ADAMTS20: variants seen among roughly 807,000 people sequenced by gnomAD.
ADAMTS20 encodes A disintegrin and metalloproteinase with thrombospondin motifs 20.
Under a neutral mutation model 260.1 loss-of-function variants are expected in ADAMTS20, and 225 were observed. The observed-to-expected ratio is 0.87, with a 90% CI of 0.78 to 0.97. The LOEUF (loss-of-function observed/expected upper bound fraction) is 0.97. Among genes scored for constraint, ADAMTS20 ranks in the 50% least tolerant of loss-of-function variants. The probability of loss-of-function intolerance (pLI) is 0.00; values close to 1 mark genes in which losing one functional copy is unlikely to be tolerated. For missense variants in ADAMTS20, 2,400 were observed against 2,337.7 expected (o/e 1.03, Z -0.55); for synonymous variants, 802 against 769.5 (o/e 1.04, Z -0.70).
Position 43,468,691 on chromosome 12 carries a change from C to A in ADAMTS20, c.1132G>T (p.Gly378Cys), listed in dbSNP as rs1942199156. ...CTTTGTAAAGGATCACATATGGTACCTAAATATGATAAACCTGAAAAATTT... is the reference window on the plus strand; with the variant it reads ...CTTTGTAAAGGATCACATATGGTACATAAATATGATAAACCTGAAAAATTT... ...KCNMLGLSYL[G>C]TICDPLQSCF... Residue 378 changes from glycine (G) to cysteine (C), a missense_variant, in exon 8 of 39, where the codon GGT becomes TGT. By Grantham distance (159) the Gly-to-Cys change is radical. Transcript: ENST00000389420. 1 of 1,586,464 alleles carries A rather than the reference C, an allele frequency of 6.3e-7. No individual in the cohort carries two copies. The highest frequency in any genetic ancestry group is 1.8e-5 in the Admixed American group (1 of 55,322).
At position 43,551,954 on chromosome 12, in the gene ADAMTS20, C is replaced by G; in HGVS notation, c.-33G>C. On this transcript the variant is annotated 5_prime_UTR_variant, in exon 1 of 39. Coordinates refer to ENST00000389420, the MANE Select transcript of ADAMTS20 (RefSeq NM_025003.5). The surrounding 1 kb of genome is among the most constrained non-coding windows in gnomAD (Gnocchi z 4.6). ...CCCTGGGGACCCCGATCGGGGAGGC[C>G]CACCAGAGCCGCCGGCAGCCAAGCC... 6.3e-7 allele frequency: 1 copy of G among 1,591,114 alleles called. No homozygotes were observed. Among genetic ancestry groups the G allele is most frequent in the Non-Finnish European group, 8.6e-7 (1 of 1,161,330 alleles).
At chr12:43,408,809 C>A (rs1442549347) in intron 28 of ADAMTS20, among the ~76,000 whole-genome samples, 2 of 152,164 alleles carry the variant, frequency 1.3e-5, no homozygotes, top group Non-Finnish European at 2.9e-5. Context: ...GGGGTTTCAT[C>A]ATTTTCACTA....
At chr12:43,460,326 A>G (rs1942037052) in intron 11 of ADAMTS20, among the ~76,000 whole-genome samples, 1 of 152,350 alleles carries the variant, frequency 6.6e-6, no homozygotes, top group Admixed American at 6.5e-5. Flanking sequence ...GCTAATAAGC[A>G]TATGAAAAAA....
chr12:43,497,272 A>C (rs190330368), intron 4 of ADAMTS20, among the ~76,000 whole-genome samples: 1 of 152,278 alleles, frequency 6.6e-6, no homozygotes, highest in East Asian at 1.9e-4. Context: ...CTTTAAGAAA[A>C]TTCTAGGCAA....
At chr12:43,356,660 A>C in intron 37 of ADAMTS20, 72 bp from the exon 38 acceptor site, 4 of 1,066,734 alleles carry the variant, frequency 3.7e-6, no homozygotes, top group South Asian at 1.4e-5. Flanking sequence ...AGTCTTCTCA[A>C]TTGCAAGGGG....
intron 7 of ADAMTS20, among the ~76,000 whole-genome samples, chr12:43,474,087 G>A (rs1345306533): frequency 5.9e-5 from 9 of 151,614 alleles, no homozygotes; most frequent in East Asian, 1.9e-4. Context: ...TTGATAGACC[G>A]CTAGCAAGAC....
chr12:43,378,258 T>C (rs1418972102), intron 31 of ADAMTS20, among the ~76,000 whole-genome samples: 2 of 152,200 alleles, frequency 1.3e-5, no homozygotes, highest in African/African-American at 2.4e-5. Flanking sequence ...GCCTACTGCT[T>C]TGAAAAACTT....
chr12:43,368,481 A>T (rs557865423), intron 37 of ADAMTS20, among the ~76,000 whole-genome samples: 1 of 152,196 alleles, frequency 6.6e-6, no homozygotes, highest in Non-Finnish European at 1.5e-5. Context: ...CTCTCTTCCT[A>T]ATATAAGCGT....
At chr12:43,421,833 A>G (rs1941243546) in intron 28 of ADAMTS20, among the ~76,000 whole-genome samples, 1 of 152,084 alleles carries the variant, frequency 6.6e-6, no homozygotes, top group Non-Finnish European at 1.5e-5. Context: ...TTATACATAA[A>G]CTAAATACAA....
chr12:43,362,658 C>G (rs115906373), intron 37 of ADAMTS20, among the ~76,000 whole-genome samples: 2 of 151,820 alleles, frequency 1.3e-5, no homozygotes, highest in African/African-American at 4.8e-5. Flanking sequence ...TATGGTTATA[C>G]GGAAAAGGGA....
At chr12:43,402,650 C>T (rs1940832480) in intron 28 of ADAMTS20, among the ~76,000 whole-genome samples, 1 of 152,040 alleles carries the variant, frequency 6.6e-6, no homozygotes, top group South Asian at 2.1e-4. Flanking sequence ...AAGGATTCCA[C>T]AAAATAGCCC....
At chr12:43,467,998 A>G (rs1301613407) in intron 8 of ADAMTS20, among the ~76,000 whole-genome samples, 3 of 152,084 alleles carry the variant, frequency 2.0e-5, no homozygotes, top group Non-Finnish European at 4.4e-5. Flanking sequence ...CTGATTTTCC[A>G]TGGGAGCTCC....
chr12:43,509,251 G>C (rs1388554813), intron 3 of ADAMTS20, among the ~76,000 whole-genome samples: 2 of 151,966 alleles, frequency 1.3e-5, no homozygotes, highest in Non-Finnish European at 1.5e-5. Context: ...ATGACACAGG[G>C]ACTCTGCTTG....
chr12:43,440,139 C>CA, intron 16 of ADAMTS20, 70 bp from the exon 17 acceptor site: 1 of 556,138 alleles, frequency 1.8e-6, no homozygotes, highest in Non-Finnish European at 2.8e-6. Context: ...ACTTGTTTAA[C>CA]TTTTTTTTTT....
intron 24 of ADAMTS20, 147 bp downstream of exon 24, chr12:43,429,470 T>C (rs1941397359): frequency 5.4e-6 from 3 of 555,842 alleles, no homozygotes; most frequent in East Asian, 3.0e-5. Flanking sequence ...TAGCCATTAA[T>C]TCCTAATTCT....
At chr12:43,375,562 A>T in intron 35 of ADAMTS20, 50 bp from the exon 36 acceptor site, 1 of 1,589,002 alleles carries the variant, frequency 6.3e-7, no homozygotes, top group Non-Finnish European at 8.6e-7. Context: ...ACGAGGCCAT[A>T]ATGTAGACAA....
intron 7 of ADAMTS20, among the ~76,000 whole-genome samples, chr12:43,487,626 A>G (rs1210899107): frequency 6.6e-6 from 1 of 152,212 alleles, no homozygotes; most frequent in African/African-American, 2.4e-5. Flanking sequence ...CAACAGTTGT[A>G]CATGACACAT....
chr12:43,425,637 A>T lies in ADAMTS20; in HGVS notation c.4161T>A (p.Phe1387Leu). 6.2e-7 allele frequency: 1 copy of T among 1,610,732 alleles called. No individual in the cohort carries two copies. Among genetic ancestry groups the T allele is most frequent in the Non-Finnish European group, 8.5e-7 (1 of 1,177,948 alleles). Residue 1387 changes from phenylalanine (F) to leucine (L), a missense_variant, in exon 28 of 39, where the codon TTT becomes TTA. By Grantham distance (22) the Phe-to-Leu change is conservative (BLOSUM62 0). Transcript: ENST00000389420. ...GIKSRLVICQFPNGQILEDHN... is the reference protein window; with the variant it reads ...GIKSRLVICQLPNGQILEDHN... ...GATCTTCTAATATTTGGCCATTGGG[A>T]AATTGACATATTACAAGTCTTGATT...
chr12:43,462,783 C>G, intron 11 of ADAMTS20, 112 bp downstream of exon 11: 2 of 757,970 alleles, frequency 2.6e-6, no homozygotes, highest in Non-Finnish European at 4.3e-6. Flanking sequence ...AACATTAATT[C>G]GACTAGCTGA....
Sources: allele counts gnomAD v4.1 joint callset (sites outside exome capture counted in the v4.1 genomes callset), GRCh38; gene constraint gnomAD v4.1.1; non-coding constraint Gnocchi (gnomAD v3.1); transcripts MANE v1.5; gene names NCBI Gene and HGNC (gene_info 2026-07-23, HGNC 2026-07-21).